The following NUDT3 variants were observed in gnomAD, a reference collection of about 807,000 sequenced individuals.
The protein encoded by NUDT3 is nudix hydrolase 3, also known as diphosphoinositol polyphosphate phosphohydrolase 1.
NUDT3 carries 9 observed loss-of-function variants against 23.6 expected under a neutral mutation model. The ratio of observed to expected loss-of-function variants is 0.38; its 90% CI spans 0.23 to 0.66. The LOEUF (loss-of-function observed/expected upper bound fraction) is 0.66, where lower values mean the gene tolerates loss of function less well. Ranked by LOEUF, NUDT3 falls within the 30% of genes least tolerant of loss-of-function variation. NUDT3 has a pLI of 0.52. For missense variants in NUDT3, 172 were observed against 218.5 expected, an observed-to-expected ratio of 0.79 and a Z score of 1.34; for synonymous variants, 86 against 82.6, an observed-to-expected ratio of 1.04 and a Z score of -0.22.
intron 1 of NUDT3, among the ~76,000 whole-genome samples, chr6:34,347,507 A>T (rs466031): frequency 2.6e-5 from 4 of 152,228 alleles, no homozygotes; most frequent in Non-Finnish European, 5.9e-5. Flanking sequence ...AGAAATCAAC[A>T]GGTGGTGCAG....
intron 1 of NUDT3, among the ~76,000 whole-genome samples, chr6:34,355,503 C>T (rs1453633832): frequency 6.6e-6 from 1 of 151,750 alleles, no homozygotes; most frequent in Non-Finnish European, 1.5e-5. Context: ...TTGTAATGTA[C>T]CATCTTGGTA....
intron 1 of NUDT3, among the ~76,000 whole-genome samples, chr6:34,344,458 A>G (rs1764334064): frequency 6.6e-6 from 1 of 152,240 alleles, no homozygotes; most frequent in Non-Finnish European, 1.5e-5. Context: ...ATATTGTATG[A>G]TTCCATGAAT....
At chr6:34,348,760 C>A (rs566269815) in intron 1 of NUDT3, among the ~76,000 whole-genome samples, 14 of 150,664 alleles carry the variant, frequency 9.3e-5, no homozygotes, top group Non-Finnish European at 2.1e-4. Flanking sequence ...TGGGTGACAG[C>A]GCAAGACTCC....
At chr6:34,310,515 T>A (rs1044605508) in intron 2 of NUDT3, among the ~76,000 whole-genome samples, 1 of 151,870 alleles carries the variant, frequency 6.6e-6, no homozygotes, top group Admixed American at 6.6e-5. Flanking sequence ...GGCAACAGAG[T>A]GAGACTCTGT....
At chr6:34,385,108 A>G (rs1765083979) in intron 1 of NUDT3, among the ~76,000 whole-genome samples, 2 of 151,862 alleles carry the variant, frequency 1.3e-5, no homozygotes, top group South Asian at 4.1e-4. Context: ...TTATATATAC[A>G]TACTTTATAT....
At chr6:34,352,258 G>A (rs59310759) in intron 1 of NUDT3, among the ~76,000 whole-genome samples, 13,384 of 151,966 alleles carry the variant, frequency 0.088, 1,318 homozygotes, top group East Asian at 0.44. Context: ...TCAACTTCCC[G>A]GGCTCAAGCA....
intron 1 of NUDT3, among the ~76,000 whole-genome samples, chr6:34,358,437 A>G (rs890700156): frequency 4.6e-5 from 7 of 152,124 alleles, no homozygotes; most frequent in Non-Finnish European, 2.9e-5. Flanking sequence ...CACAGACCTT[A>G]TCTATGTCTT....
chr6:34,362,955 G>C (rs1230156674), intron 1 of NUDT3, among the ~76,000 whole-genome samples: 1 of 152,118 alleles, frequency 6.6e-6, no homozygotes, highest in East Asian at 1.9e-4. Context: ...TGCAGCACTA[G>C]CTACCATGAG....
intron 2 of NUDT3, among the ~76,000 whole-genome samples, chr6:34,313,927 G>A (rs575376606): frequency 3.3e-5 from 5 of 149,918 alleles, no homozygotes; most frequent in South Asian, 4.2e-4. Flanking sequence ...GAGAAACCCC[G>A]TCTCTACTAA....
At chr6:34,372,250 T>C (rs1413071402) in intron 1 of NUDT3, among the ~76,000 whole-genome samples, 1 of 152,168 alleles carries the variant, frequency 6.6e-6, no homozygotes, top group African/African-American at 2.4e-5. Context: ...ATCCTTTGGG[T>C]ATATACCCAG....
chr6:34,300,051 C>CT (rs1225563949), intron 2 of NUDT3, among the ~76,000 whole-genome samples: 24 of 151,970 alleles, frequency 1.6e-4, no homozygotes, highest in Non-Finnish European at 3.4e-4. Flanking sequence ...CCCGGCCCTG[C>CT]TTTTTTAAGA....
intron 2 of NUDT3, among the ~76,000 whole-genome samples, chr6:34,333,323 A>C (rs1764157917): frequency 6.6e-6 from 1 of 152,248 alleles, no homozygotes; most frequent in East Asian, 1.9e-4. Flanking sequence ...AACAGGTGGA[A>C]TTTAATGAGA....
At chr6:34,313,733 C>T (rs1163897261) in intron 2 of NUDT3, among the ~76,000 whole-genome samples, 2 of 151,476 alleles carry the variant, frequency 1.3e-5, no homozygotes, top group African/African-American at 2.4e-5. Context: ...GAGGCTGAGG[C>T]GGGCAGATCA....
At chr6:34,344,186 G>A (rs943894011) in intron 1 of NUDT3, among the ~76,000 whole-genome samples, 1 of 152,116 alleles carries the variant, frequency 6.6e-6, no homozygotes, top group Non-Finnish European at 1.5e-5. Flanking sequence ...TAACTCCACT[G>A]CTAGGTATAC....
Position 34,293,550 on chromosome 6 carries a change from G to C in NUDT3, c.256-15C>G. The C allele has an allele frequency of 6.2e-7, 1 of 1,614,044 alleles. No individual in the cohort carries two copies. Among genetic ancestry groups the C allele is most frequent in the Non-Finnish European group, 8.5e-7 (1 of 1,179,942 alleles). On this transcript the variant is annotated splice_polypyrimidine_tract_variant and intron_variant, in intron 3 of 4. Coordinates refer to ENST00000607016, the MANE Select transcript of NUDT3 (RefSeq NM_006703.4). ...CTCTCCTGGTTCTGAAGGGCAAAGAGAGAAGGATAGAGAGAGTTTTTCCTT... is the reference window on the plus strand; with the variant it reads ...CTCTCCTGGTTCTGAAGGGCAAAGACAGAAGGATAGAGAGAGTTTTTCCTT...
chr6:34,344,269 T>C lies in NUDT3; in HGVS notation c.100-2297A>G, dbSNP rs114833283. On this transcript the variant is annotated intron_variant, in intron 1 of 4. Coordinates refer to ENST00000607016, the MANE Select transcript of NUDT3 (RefSeq NM_006703.4). ...ATGTTTATAGCAGCATTATTTACAATAGCCAAAAGGTAAAAACAACTCAAA... is the reference window on the plus strand; with the variant it reads ...ATGTTTATAGCAGCATTATTTACAACAGCCAAAAGGTAAAAACAACTCAAA... Among the ~76,000 whole-genome samples, 674 of 152,172 alleles carry C rather than the reference T, an allele frequency of 4.4e-3. 1 individual carries two copies. The highest frequency in any genetic ancestry group is 0.015 in the African/African-American group (643 of 41,506).
intron 2 of NUDT3, among the ~76,000 whole-genome samples, chr6:34,307,400 G>A (rs955872751): frequency 4.6e-5 from 7 of 152,170 alleles, no homozygotes; most frequent in South Asian, 4.1e-4. Flanking sequence ...GAAACAAAGC[G>A]AGACCCCATC....
At chr6:34,358,542 G>C (rs540645446) in intron 1 of NUDT3, among the ~76,000 whole-genome samples, 75 of 152,094 alleles carry the variant, frequency 4.9e-4, no homozygotes, top group African/African-American at 1.8e-3. Context: ...TCACAGGTTA[G>C]TATTAAAATA....
intron 2 of NUDT3, among the ~76,000 whole-genome samples, chr6:34,335,659 A>G (rs1764197062): frequency 6.6e-6 from 1 of 151,860 alleles, no homozygotes; most frequent in East Asian, 1.9e-4. Context: ...GGGAATATTT[A>G]AAGACTCTAA....
Sources: allele counts gnomAD v4.1 joint callset (sites outside exome capture counted in the v4.1 genomes callset), GRCh38; gene constraint gnomAD v4.1.1; transcripts MANE v1.5; gene names NCBI Gene and HGNC (gene_info 2026-07-23, HGNC 2026-07-21).